MAT2A: variants seen among roughly 807,000 people sequenced by gnomAD.
MAT2A encodes S-adenosylmethionine synthase isoform type-2.
MAT2A carries 3 observed loss-of-function variants against 43.9 expected under a neutral mutation model. The ratio of observed to expected loss-of-function variants is 0.07; its 90% confidence interval spans 0.03 to 0.18. The LOEUF (loss-of-function observed/expected upper bound fraction) is 0.18. Ranked by LOEUF, MAT2A falls within the 10% of genes least tolerant of loss-of-function variation. The probability of loss-of-function intolerance (pLI) is 1.00; values close to 1 mark genes in which losing one functional copy is unlikely to be tolerated. For synonymous variants in MAT2A, 200 were observed against 168.4 expected (o/e 1.19, Z -1.45); for missense variants, 204 against 489.0 (o/e 0.42, Z 5.50).
At position 85,541,458 on chromosome 2, in the gene MAT2A, T is replaced by C. The variant is rs1691475251; in HGVS notation, c.292+81T>C. ...GAAACTCCTAGAATGTTCCTGCTAA[T>C]CCTAAACTCCAGTTGTATCTTACTA... On this transcript the variant is annotated intron_variant, in intron 3 of 8. Coordinates refer to ENST00000306434, the MANE Select transcript of MAT2A (RefSeq NM_005911.6). 1.1e-5 allele frequency: 17 copies of C among 1,520,576 alleles called. No homozygotes were observed. In the Admixed American group the frequency reaches 3.0e-4, roughly 27 times the overall value. 94.2% of individuals were successfully genotyped at this position (1,520,576 alleles called of 1,614,324 possible).
rs1430810005 is a variant in MAT2A, at chr2:85,544,971, T to A, written c.*1199T>A. The A allele has an allele frequency of 6.6e-6, 1 of 152,542 alleles. No homozygotes were observed. Among genetic ancestry groups the A allele is most frequent in the Non-Finnish European group, 1.5e-5 (1 of 68,014 alleles). The allele number at this position is 152,542 out of a possible 1,614,324, so 9.4% of individuals were successfully genotyped here. A position where few individuals can be genotyped will look rare whatever the true frequency, so the allele number is the denominator to read the frequency against. On this transcript the variant is annotated 3_prime_UTR_variant, in exon 9 of 9. Transcript: ENST00000306434. ...TTTTTCTCTCAACACCATGATTCCT[T>A]TAACAACATGTTTCCAGCATTCCCA...
chr2:85,541,542 T>C, intron 3 of MAT2A, 91 bp from the exon 4 acceptor site: 1 of 1,301,868 alleles, frequency 7.7e-7, no homozygotes. Context: ...GTATATTTGA[T>C]TTCTTCAGCA....
intron 4 of MAT2A, 23 bp from the exon 5 acceptor site, chr2:85,541,806 A>C: frequency 6.2e-7 from 1 of 1,613,870 alleles, no homozygotes; most frequent in African/African-American, 1.3e-5. Flanking sequence ...GCTTGATCAC[A>C]TTGGTGACTT....
Position 85,541,916 on chromosome 2 carries a change from G to T in MAT2A, c.493G>T (p.Ala165Ser). ...VLAHKLNAKL[A>S]ELRRNGTLPW... is the part of the protein sequence containing the mutation. ...GGCACACAAGCTAAATGCCAAACTG[G>T]CAGAACTACGCCGTAATGGCACTTT... The change falls in exon 5 of 9, where the codon GCA (alanine) becomes TCA (serine). Residue 165 changes from alanine (A) to serine (S), a missense_variant. Physicochemically the swap from Ala to Ser is moderately conservative, Grantham distance 99. Around this residue, in one of 6 missense-constraint regions of MAT2A, gnomAD observed 103 missense variants for 226.4 expected, o/e 0.45. Transcript: ENST00000306434. The T allele has an allele frequency of 6.2e-7, 1 of 1,614,252 alleles. No individual in the cohort carries two copies. Among genetic ancestry groups the T allele is most frequent in the Non-Finnish European group, 8.5e-7 (1 of 1,180,042 alleles).
Position 85,539,255 on chromosome 2 carries a change from T to C in MAT2A, c.-33T>C, listed in dbSNP as rs1455744060. 6.5e-7 allele frequency: 1 copy of C among 1,545,926 alleles called. No individual in the cohort carries two copies. Among genetic ancestry groups the C allele is most frequent in the Non-Finnish European group, 8.9e-7 (1 of 1,128,682 alleles). ...GCCGCTGCCGCCTCGCCGCTGCTCC[T>C]TCGTAAGGCCACTTCCGCACACCGA... On this transcript the variant is annotated 5_prime_UTR_variant, in exon 1 of 9. Coordinates refer to ENST00000306434, the MANE Select transcript of MAT2A (RefSeq NM_005911.6).
rs1573308434 is a variant in MAT2A at position 85,541,972 on chromosome 2, A to G, written c.549A>G (p.Gln183=). 1.9e-6 allele frequency: 3 copies of G among 1,612,128 alleles called. No homozygotes were observed. The highest frequency in any genetic ancestry group is 2.5e-6 in the Non-Finnish European group (3 of 1,178,360). Residue 183 remains glutamine, a splice_region_variant and synonymous_variant, in exon 5 of 9, where the codon CAA becomes CAG. Coordinates refer to ENST00000306434, the MANE Select transcript of MAT2A (RefSeq NM_005911.6). The part of the protein sequence containing the change: ...LPWLRPDSKT[Q]VTVQYMQDRG... The stretch of plus-strand genomic sequence containing the variant: ...GGTTACGCCCTGATTCTAAAACTCA[A>G]GTAAGTGATGATCATAAAGCTTGGT...
rs1489297398 is a variant in MAT2A at position 85,541,252 on chromosome 2, T to C, written c.170-3T>C. The C allele has an allele frequency of 1.2e-6, 2 of 1,613,698 alleles. No individual in the cohort carries two copies. Among genetic ancestry groups the C allele is most frequent in the Admixed American group, 1.7e-5 (1 of 59,950 alleles). On this transcript the variant is annotated splice_polypyrimidine_tract_variant and splice_region_variant and intron_variant, in intron 2 of 8. Coordinates refer to ENST00000306434, the MANE Select transcript of MAT2A (RefSeq NM_005911.6). Reference sequence around the variant, plus strand: ...GTTTGAGTTGAATGTCTCTTTTTATTAGAAACTGTTGCTAAAACTGGAATG... The same window carrying C: ...GTTTGAGTTGAATGTCTCTTTTTATCAGAAACTGTTGCTAAAACTGGAATG...
chr2:85,542,496 T>C (rs1691501536), intron 6 of MAT2A, 69 bp from the exon 7 acceptor site: 3 of 1,553,686 alleles, frequency 1.9e-6, no homozygotes, highest in African/African-American at 1.4e-5. Context: ...GCTGAATGAA[T>C]TCAGAATAGG....
chr2:85,539,213 A>G lies in MAT2A; in HGVS notation c.-75A>G, dbSNP rs1473895994. The G allele has an allele frequency of 7.6e-6, 8 of 1,055,894 alleles. No individual in the cohort carries two copies. The highest frequency in any genetic ancestry group is 1.4e-5 in the South Asian group (1 of 72,270). The allele number at this position is 1,055,894 out of a possible 1,614,324, so 65.4% of individuals were successfully genotyped here. A position where few individuals can be genotyped will look rare whatever the true frequency, so the allele number is the denominator to read the frequency against. On this transcript the variant is annotated 5_prime_UTR_variant, in exon 1 of 9. Transcript: ENST00000306434. ...CTGCTACGAGTAGAACGCTGTCCGC[A>G]GCTTGCGCATTTCGCAGCCGCTGCC... is the stretch of plus-strand genomic sequence containing the variant.
chr2:85,539,649 G>A (rs990355065), intron 1 of MAT2A: 1 of 323,004 alleles, frequency 3.1e-6, no homozygotes, highest in Non-Finnish European at 5.7e-6. Context: ...CAGAAAACGT[G>A]AAGGGCGGGG....
intron 1 of MAT2A, 90 bp downstream of exon 1, chr2:85,539,468 C>G: frequency 3.0e-6 from 3 of 1,012,490 alleles, no homozygotes. Flanking sequence ...GTGGGGCCCG[C>G]GCGGGTCGTC....
At chr2:85,539,481 C>A (rs1341311064) in intron 1 of MAT2A, 103 bp downstream of exon 1, 2 of 851,736 alleles carry the variant, frequency 2.3e-6, no homozygotes, top group Non-Finnish European at 3.4e-6. Flanking sequence ...GGGTCGTCCT[C>A]GTCCGCCGGG....
chr2:85,542,205 C>T lies in MAT2A; in HGVS notation c.600C>T (p.Val200=), dbSNP rs1691493098. Residue 200 remains valine (V), a synonymous_variant, in exon 6 of 9, where the codon GTC becomes GTT. Transcript: ENST00000306434. ...QDRGAVLPIR[V]HTIVISVQHD... ...GAGGTGCTGTGCTTCCCATCAGAGT[C>T]CACACAATTGTTATATCTGTTCAGC... The T allele has an allele frequency of 6.2e-7, 1 of 1,613,980 alleles. No individual in the cohort carries two copies. Among genetic ancestry groups the T allele is most frequent in the South Asian group, 1.1e-5 (1 of 91,078 alleles).
intron 6 of MAT2A, 90 bp downstream of exon 6, chr2:85,542,463 A>G (rs1691500925): frequency 1.3e-6 from 2 of 1,527,816 alleles, no homozygotes; most frequent in African/African-American, 1.4e-5. Flanking sequence ...TGAAACCTAC[A>G]TGTGAATCAT....
intron 5 of MAT2A, 57 bp downstream of exon 5, chr2:85,542,029 C>G: frequency 6.3e-7 from 1 of 1,598,058 alleles, no homozygotes; most frequent in South Asian, 1.1e-5. Context: ...ACAGAAGATC[C>G]ATAATTTTGA....
In MAT2A at chr2:85,539,298, A is replaced by G. The variant is rs756268499; in HGVS notation, c.11A>G (p.Gln4Arg). 1.3e-5 allele frequency: 21 copies of G among 1,604,184 alleles called. No individual in the cohort carries two copies. The highest frequency in any genetic ancestry group is 1.8e-5 in the Non-Finnish European group (21 of 1,176,052). ...CACACCGACACCAACATGAACGGAC[A>G]GCTCAACGGCTTCCACGAGGCGTTC... is the stretch of plus-strand genomic sequence containing the variant. MNG[Q>R]LNGFHEAFIE... Residue 4 changes from glutamine to arginine, a missense_variant, in exon 1 of 9, where the codon CAG becomes CGG. Coordinates refer to ENST00000306434, the MANE Select transcript of MAT2A (RefSeq NM_005911.6).
At chr2:85,543,537 T>C in intron 8 of MAT2A, 133 bp from the exon 9 acceptor site, 1 of 624,868 alleles carries the variant, frequency 1.6e-6, no homozygotes. Context: ...AAGTAACACT[T>C]TTGCCACAAA....
In MAT2A at chr2:85,543,043, G is replaced by T; in HGVS notation, c.1085+9G>T. ...CCTGGGGTCATTGTCAGGTAAAGAT[G>T]GTAAAGCCTGTTGCTAGTCAAGTAT... On this transcript the variant is annotated intron_variant, in intron 8 of 8. Transcript: ENST00000306434. 1 of 1,610,792 alleles carries T rather than the reference G, an allele frequency of 6.2e-7. No homozygotes were observed. The highest frequency in any genetic ancestry group is 8.5e-7 in the Non-Finnish European group (1 of 1,179,228).
chr2:85,541,644 A>G lies in MAT2A; in HGVS notation c.304A>G (p.Lys102Glu). 1 of 1,606,156 alleles carries G rather than the reference A, an allele frequency of 6.2e-7. No homozygotes were observed. Residue 102 changes from lysine (K) to glutamate (E), a missense_variant, in exon 4 of 9, where the codon AAG becomes GAG. Lys to Glu is a moderately conservative substitution (Grantham distance 56). Around this residue, in one of 6 missense-constraint regions of MAT2A, gnomAD observed 103 missense variants for 226.4 expected, o/e 0.45. Transcript: ENST00000306434. Reference sequence around the variant, plus strand: ...TTTTTTGCTTATAGGTTTTGACTACAAGACTTGTAACGTGCTGGTAGCCTT... The same window carrying G: ...TTTTTTGCTTATAGGTTTTGACTACGAGACTTGTAACGTGCTGGTAGCCTT... ...YDDSSKGFDY[K>E]TCNVLVALEQ...
Sources: allele counts gnomAD v4.1 joint callset, GRCh38; gene constraint gnomAD v4.1.1; regional missense constraint gnomAD v4.1.1; transcripts MANE v1.5; gene names NCBI Gene and HGNC (gene_info 2026-07-23, HGNC 2026-07-21).